GABRP: variants seen among roughly 807,000 people sequenced by gnomAD.
GABRP encodes gamma-aminobutyric acid type A receptor subunit pi.
Under a neutral mutation model 47.8 loss-of-function variants are expected in GABRP, and 52 were observed. That is an observed-to-expected ratio of 1.09 (90% confidence interval 0.87 to 1.37). The LOEUF is 1.37. GABRP is among the 40% of genes most tolerant of loss of function. The pLI, the probability that GABRP is intolerant of heterozygous loss-of-function variation, is 0.00. For synonymous variants in GABRP, 221 were observed against 205.8 expected (o/e 1.07, Z -0.63); for missense variants, 525 against 542.8 (o/e 0.97, Z 0.33).
chr5:170,797,917 C>T (rs1765474993), intron 6 of GABRP, among the ~76,000 whole-genome samples: 1 of 152,236 alleles, frequency 6.6e-6, no homozygotes, highest in Non-Finnish European at 1.5e-5. Flanking sequence ...CAGTCGTGCC[C>T]ATGTACTTAC....
intron 1 of GABRP, among the ~76,000 whole-genome samples, chr5:170,784,831 G>T (rs1057493027): frequency 6.6e-6 from 1 of 152,210 alleles, no homozygotes; most frequent in East Asian, 1.9e-4. Flanking sequence ...TCCTCTACAA[G>T]TGGAGGTAGG....
intron 1 of GABRP, among the ~76,000 whole-genome samples, chr5:170,786,786 A>G (rs957251129): frequency 6.6e-6 from 1 of 152,202 alleles, no homozygotes; most frequent in Non-Finnish European, 1.5e-5. Flanking sequence ...TTAAGTGTTC[A>G]ATAAATGTTT....
intron 9 of GABRP, 178 bp downstream of exon 9, chr5:170,809,933 C>T: frequency 1.4e-6 from 1 of 706,318 alleles, no homozygotes; most frequent in Non-Finnish European, 2.6e-6. Flanking sequence ...TTGAAAAAGA[C>T]CATTCTTTTC....
intron 5 of GABRP, among the ~76,000 whole-genome samples, chr5:170,796,137 A>T (rs2127256454): frequency 6.6e-6 from 1 of 152,340 alleles, no homozygotes; most frequent in South Asian, 2.1e-4. Context: ...CCAGGAGCCA[A>T]ATATTCATGG....
intron 6 of GABRP, among the ~76,000 whole-genome samples, chr5:170,801,047 C>G (rs1337694168): frequency 6.6e-6 from 1 of 152,198 alleles, no homozygotes; most frequent in East Asian, 1.9e-4. Context: ...ATACTAGACA[C>G]CTTGCAAACA....
At chr5:170,810,279 A>AAAT (rs77356879) in intron 9 of GABRP, among the ~76,000 whole-genome samples, 1 of 152,010 alleles carries the variant, frequency 6.6e-6, no homozygotes, top group African/African-American at 2.4e-5. Flanking sequence ...CCAGCTCTCT[A>AAAT]AATAATAATA....
chr5:170,795,555 C>G, intron 5 of GABRP, 130 bp downstream of exon 5: 1 of 702,244 alleles, frequency 1.4e-6, no homozygotes, highest in Non-Finnish European at 2.5e-6. Flanking sequence ...AGATCCTTGC[C>G]CCCATAATAG....
At chr5:170,805,634 T>A (rs1402179285) in intron 6 of GABRP, 82 bp from the exon 7 acceptor site, 3 of 1,464,828 alleles carry the variant, frequency 2.0e-6, no homozygotes, top group Middle Eastern at 2.2e-4. Flanking sequence ...TCATGCTGTC[T>A]CCATATTATA....
intron 6 of GABRP, among the ~76,000 whole-genome samples, chr5:170,800,123 G>A (rs1280500034): frequency 1.3e-5 from 2 of 152,152 alleles, no homozygotes; most frequent in African/African-American, 4.8e-5. Flanking sequence ...AAAACAGCAT[G>A]GTACTGGTAC....
intron 1 of GABRP, among the ~76,000 whole-genome samples, chr5:170,785,019 T>TA (rs913921060): frequency 1.8e-4 from 28 of 152,336 alleles, no homozygotes; most frequent in African/African-American, 6.0e-4. Context: ...GGTGGCTCAG[T>TA]ACCTCTCCAC....
rs45454897 is a variant in GABRP, at chr5:170,783,746, G to A, written c.-171G>A. On this transcript the variant is annotated 5_prime_UTR_variant, in exon 1 of 10. The change creates a new upstream start codon in the 5' untranslated region. Coordinates refer to ENST00000265294, the MANE Select transcript of GABRP (RefSeq NM_014211.3). ...AGCCACTCCATCTGAGGGTGGCTGC[G>A]TGTCCACATACGAGGGGACAGGGCT... The A allele has an allele frequency of 0.017, 2,550 of 152,372 alleles. 41 individuals are homozygous for A. Among genetic ancestry groups the A allele is most frequent in the South Asian group, 0.03 (145 of 4,816 alleles). 9.4% of individuals were successfully genotyped at this position (152,372 alleles called of 1,614,324 possible).
intron 6 of GABRP, among the ~76,000 whole-genome samples, chr5:170,805,431 A>C (rs967391878): frequency 2.0e-5 from 3 of 152,222 alleles, no homozygotes; most frequent in Non-Finnish European, 4.4e-5. Flanking sequence ...AATTTAAATA[A>C]TGAGGGAGGC....
intron 3 of GABRP, among the ~76,000 whole-genome samples, chr5:170,792,937 C>T (rs1028554445): frequency 4.2e-4 from 64 of 152,124 alleles, no homozygotes; most frequent in African/African-American, 1.5e-3. Context: ...ATCTATTAGC[C>T]TGGTGAATAA....
chr5:170,799,321 G>T (rs540167014), intron 6 of GABRP, among the ~76,000 whole-genome samples: 4 of 152,278 alleles, frequency 2.6e-5, no homozygotes, highest in South Asian at 2.1e-4. Flanking sequence ...GGGTCAAATG[G>T]TATTTCTAGT....
At chr5:170,792,058 C>G (rs1465816576) in intron 3 of GABRP, among the ~76,000 whole-genome samples, 1 of 152,158 alleles carries the variant, frequency 6.6e-6, no homozygotes, top group Non-Finnish European at 1.5e-5. Flanking sequence ...TCTTAACACT[C>G]TTACAATGGC....
intron 3 of GABRP, among the ~76,000 whole-genome samples, chr5:170,792,844 G>C (rs561876647): frequency 2.6e-5 from 4 of 152,080 alleles, no homozygotes; most frequent in South Asian, 2.1e-4. Context: ...TTTGAAATCC[G>C]CCTGGCCTCT....
At chr5:170,794,142 T>C (rs6866179) in intron 3 of GABRP, 89 bp from the exon 4 acceptor site, 1 of 796,648 alleles carries the variant, frequency 1.3e-6, no homozygotes, top group Non-Finnish European at 1.9e-6. Context: ...ACAACTTTTG[T>C]AATTTTAATC....
At position 170,813,724 on chromosome 5, in the gene GABRP, A is replaced by C. The variant is rs1052259768; in HGVS notation, c.*1466A>C. The stretch of plus-strand genomic sequence containing the variant: ...TACCTTTCCTGTCAGAAATAAACCA[A>C]GGCTCTAAAAGATGATTTCCCTTCT... On this transcript the variant is annotated 3_prime_UTR_variant, in exon 10 of 10. Transcript: ENST00000265294. 1.3e-5 allele frequency: 2 copies of C among 152,214 alleles called. No homozygotes were observed. Among genetic ancestry groups the C allele is most frequent in the Non-Finnish European group, 2.9e-5 (2 of 68,044 alleles). The allele number at this position is 152,214 out of a possible 1,614,324, so 9.4% of individuals were successfully genotyped here.
chr5:170,784,766 T>G (rs1478779360), intron 1 of GABRP, among the ~76,000 whole-genome samples: 1 of 152,204 alleles, frequency 6.6e-6, no homozygotes, highest in African/African-American at 2.4e-5. Context: ...ATGGGAAAAC[T>G]GAGACTCTGA....
Sources: allele counts gnomAD v4.1 joint callset (sites outside exome capture counted in the v4.1 genomes callset), GRCh38; gene constraint gnomAD v4.1.1; transcripts MANE v1.5; gene names NCBI Gene and HGNC (gene_info 2026-07-23, HGNC 2026-07-21).